The following SRGAP2B variants were observed in gnomAD, a reference collection of about 807,000 sequenced individuals.
SRGAP2B encodes the protein SLIT-ROBO Rho GTPase activating protein 2B.
Under a neutral mutation model 22.2 loss-of-function variants are expected in SRGAP2B, and 9 were observed. That is an observed-to-expected ratio of 0.41 (90% CI 0.24 to 0.71). SRGAP2B has a LOEUF of 0.71. SRGAP2B is among the 30% of genes least tolerant of loss of function. SRGAP2B has a pLI of 0.35. For synonymous variants in SRGAP2B, 36 were observed against 87.4 expected (o/e 0.41, Z 3.28); for missense variants, 114 against 235.8 (o/e 0.48, Z 3.38).
intron 5 of SRGAP2B, among the ~76,000 whole-genome samples, chr1:144,911,950 CTTTTTTTTT>C (rs1175957935): frequency 8.9e-6 from 1 of 112,922 alleles, no homozygotes; most frequent in Non-Finnish European, 1.8e-5. Flanking sequence ...TTTCCTTTTT[CTTTTTTTTT>C]TTTTTTTTTG....
chr1:144,964,874 G>T (rs1667950234), intron 3 of SRGAP2B, among the ~76,000 whole-genome samples: 1 of 151,344 alleles, frequency 6.6e-6, no homozygotes. Context: ...CACAATGATT[G>T]TGCCTGTAAA....
chr1:145,015,507 A>G (rs1169032805), intron 2 of SRGAP2B, among the ~76,000 whole-genome samples: 1 of 137,418 alleles, frequency 7.3e-6, no homozygotes, highest in Non-Finnish European at 1.5e-5. Context: ...CAGAGAAGAC[A>G]GACTACCATA....
At chr1:144,997,354 C>T (rs1253073026) in intron 2 of SRGAP2B, among the ~76,000 whole-genome samples, 1 of 150,700 alleles carries the variant, frequency 6.6e-6, no homozygotes, top group Non-Finnish European at 1.5e-5. Flanking sequence ...TGGCGTGAAC[C>T]CGGGAGGTGG....
At chr1:144,965,243 T>A (rs1384424441) in intron 3 of SRGAP2B, 33 of 613,680 alleles carry the variant, frequency 5.4e-5, no homozygotes, top group Non-Finnish European at 9.2e-5. Flanking sequence ...TGCATTTCCA[T>A]CTGAGCTTTG....
chr1:144,994,862 G>A, intron 3 of SRGAP2B, 146 bp downstream of exon 3: 1 of 584,232 alleles, frequency 1.7e-6, no homozygotes, highest in Non-Finnish European at 2.9e-6. Flanking sequence ...GACTGATCTG[G>A]AAAATGAGAA....
At chr1:145,020,510 C>A (rs1360137855) in intron 2 of SRGAP2B, among the ~76,000 whole-genome samples, 1 of 145,756 alleles carries the variant, frequency 6.9e-6, no homozygotes, top group Non-Finnish European at 1.5e-5. Flanking sequence ...AACTACCCAG[C>A]ATTCTTGATG....
chr1:145,007,005 T>C (rs1671645645), intron 2 of SRGAP2B, among the ~76,000 whole-genome samples: 1 of 150,044 alleles, frequency 6.7e-6, no homozygotes, highest in South Asian at 2.1e-4. Context: ...TTGTTTTCAT[T>C]ATCTACAAAA....
chr1:144,925,723 A>G (rs1664635764), intron 4 of SRGAP2B, among the ~76,000 whole-genome samples: 3 of 105,396 alleles, frequency 2.8e-5, no homozygotes, highest in Non-Finnish European at 5.9e-5. Context: ...AGAGAGAGAG[A>G]AAGAAAAGAA....
At position 144,925,026 on chromosome 1, in the gene SRGAP2B, C is replaced by T. The variant is rs1205679935; in HGVS notation, c.424-10272G>A. Among the ~76,000 whole-genome samples, 35 of 148,232 alleles carry T rather than the reference C, an allele frequency of 2.4e-4. 2 individuals are homozygous for T. The highest frequency in any genetic ancestry group is 8.8e-5 in the Non-Finnish European group (6 of 67,946). ...TGTCTCTCTCTCTTCTTTTTTGAGA[C>T]AGAGTCTCACTCTATCACCAGGCTG... is the stretch of plus-strand genomic sequence containing the variant. On this transcript the variant is annotated intron_variant, in intron 4 of 9. Coordinates refer to ENST00000612199, the Ensembl canonical transcript of SRGAP2B.
intron 2 of SRGAP2B, among the ~76,000 whole-genome samples, chr1:145,081,709 G>A (rs1652949487): frequency 6.7e-6 from 1 of 148,304 alleles, no homozygotes; most frequent in Admixed American, 6.7e-5. Flanking sequence ...GGGAAAGGAA[G>A]CAGATTTCTA....
intron 5 of SRGAP2B, among the ~76,000 whole-genome samples, chr1:144,907,705 G>A (rs1197874492): frequency 5.7e-4 from 85 of 148,984 alleles, no homozygotes; most frequent in Non-Finnish European, 9.9e-4. Context: ...TGCACAGGAC[G>A]GCCCCCACAA....
chr1:144,950,993 C>A (rs1553609268), intron 4 of SRGAP2B, among the ~76,000 whole-genome samples: 1 of 149,208 alleles, frequency 6.7e-6, no homozygotes, highest in African/African-American at 2.5e-5. Flanking sequence ...GGATTACAGG[C>A]ACTGGCCATC....
intron 4 of SRGAP2B, among the ~76,000 whole-genome samples, chr1:144,934,075 C>T (rs1570776520): frequency 6.8e-6 from 1 of 147,746 alleles, no homozygotes; most frequent in South Asian, 2.2e-4. Context: ...TTTAATGAAA[C>T]CTACAATATG....
chr1:145,046,442 TG>T (rs1420988785), intron 2 of SRGAP2B, among the ~76,000 whole-genome samples: 1 of 67,004 alleles, frequency 1.5e-5, no homozygotes, highest in Admixed American at 1.7e-4. Flanking sequence ...TGCCAAAGAA[TG>T]GGGAAAAAAG....
At chr1:144,944,709 T>G (rs1666355541) in intron 4 of SRGAP2B, among the ~76,000 whole-genome samples, 1 of 146,108 alleles carries the variant, frequency 6.8e-6, no homozygotes, top group Non-Finnish European at 1.5e-5. Context: ...ATTTATTTAT[T>G]TATTTATTTA....
intron 3 of SRGAP2B, among the ~76,000 whole-genome samples, chr1:144,977,811 GA>G (rs1212621469): frequency 5.3e-5 from 8 of 150,544 alleles, no homozygotes; most frequent in African/African-American, 1.7e-4. Flanking sequence ...GCATTCTGAA[GA>G]AAAATGAAAT....
At chr1:144,965,418 C>A (rs1401063268) in intron 3 of SRGAP2B, among the ~76,000 whole-genome samples, 29 of 141,902 alleles carry the variant, frequency 2.0e-4, no homozygotes, top group East Asian at 6.1e-4. Context: ...AACAGACCTG[C>A]AGCTGAGGGT....
In SRGAP2B at chr1:144,987,854, G is replaced by A. The variant is rs587650325; in HGVS notation, c.260+7154C>T. Among the ~76,000 whole-genome samples the A allele has an allele frequency of 2.8e-3, 428 of 150,808 alleles. 8 individuals carry two copies. The highest frequency in any genetic ancestry group is 4.8e-3 in the Non-Finnish European group (327 of 67,978). On this transcript the variant is annotated intron_variant, in intron 3 of 9. Coordinates refer to ENST00000612199, the Ensembl canonical transcript of SRGAP2B. ...GTGGAAATGGAAAAACAAAAGTGCTGTTACTAATGTTGCATTGAGGCATTG... is the reference window on the plus strand; with the variant it reads ...GTGGAAATGGAAAAACAAAAGTGCTATTACTAATGTTGCATTGAGGCATTG...
chr1:144,951,201 G>A (rs1483246798), intron 4 of SRGAP2B, among the ~76,000 whole-genome samples: 1 of 148,538 alleles, frequency 6.7e-6, no homozygotes, highest in African/African-American at 2.6e-5. Flanking sequence ...AAACAGACAG[G>A]GTCTGGCTCT....
Sources: allele counts gnomAD v4.1 joint callset (sites outside exome capture counted in the v4.1 genomes callset), GRCh38; gene constraint gnomAD v4.1.1; transcripts MANE v1.5; gene names NCBI Gene and HGNC (gene_info 2026-07-23, HGNC 2026-07-21).